Variants in STK32B observed in about 807,000 individuals in gnomAD.
The protein encoded by STK32B is serine/threonine kinase 32B.
Under a neutral mutation model 52.6 loss-of-function variants are expected in STK32B, and 43 were observed. The observed-to-expected ratio is 0.82, with a 90% CI of 0.64 to 1.05. The LOEUF (loss-of-function observed/expected upper bound fraction) is 1.05. STK32B is among the 50% of genes least tolerant of loss of function. The probability of loss-of-function intolerance (pLI) is 0.00; values close to 1 mark genes in which losing one functional copy is unlikely to be tolerated. For synonymous variants in STK32B, 238 were observed against 204.3 expected, an observed-to-expected ratio of 1.17 and a Z score of -1.41; for missense variants, 621 against 534.6, an observed-to-expected ratio of 1.16 and a Z score of -1.59.
intron 3 of STK32B, among the ~76,000 whole-genome samples, chr4:5,259,555 C>T (rs1455375715): frequency 6.6e-6 from 1 of 152,180 alleles, no homozygotes; most frequent in Non-Finnish European, 1.5e-5. Context: ...AGTACTGTGT[C>T]ACACAGTTAC....
At chr4:5,402,786 G>T (rs1367132958) in intron 5 of STK32B, among the ~76,000 whole-genome samples, 1 of 152,216 alleles carries the variant, frequency 6.6e-6, no homozygotes, top group Non-Finnish European at 1.5e-5. Flanking sequence ...ACCCGTTGGG[G>T]TCAAGGCCAG....
intron 1 of STK32B, among the ~76,000 whole-genome samples, chr4:5,129,925 G>T (rs1715647032): frequency 6.6e-6 from 1 of 151,990 alleles, no homozygotes; most frequent in African/African-American, 2.4e-5. Flanking sequence ...TTATATGCCA[G>T]GCACTGTTCT....
intron 2 of STK32B, 114 bp from the exon 3 acceptor site, chr4:5,168,185 T>C (rs1719037345): frequency 7.2e-7 from 1 of 1,393,134 alleles, no homozygotes. Flanking sequence ...CCTAGCAGAT[T>C]TCAAGAACAG....
chr4:5,035,328 T>G, the STK32B span, among the ~76,000 whole-genome samples: 46 of 152,236 alleles, frequency 3.0e-4, 1 homozygote, highest in Non-Finnish European at 1.0e-4. Context: ...TCTTTCTAGC[T>G]TGAGTAAATG....
chr4:5,019,406 G>A, the STK32B span: 5 of 1,491,156 alleles, frequency 3.4e-6, no homozygotes, highest in Non-Finnish European at 4.4e-6. Context: ...GCTCCCGCCA[G>A]GAGCAGCAGC....
At chr4:5,040,425 C>T in the STK32B span, among the ~76,000 whole-genome samples, 3 of 134,304 alleles carry the variant, frequency 2.2e-5, no homozygotes, top group African/African-American at 5.9e-5. Flanking sequence ...GACGAAGTCT[C>T]GCTGTGTCGC....
rs544981504 is a variant in STK32B at position 5,313,458 on chromosome 4, AT to A, written c.261-17757del. On this transcript the variant is annotated intron_variant, in intron 3 of 11. Transcript: ENST00000282908. ...CCCTAAGATTGGGCACAAGGTAAGG[AT>A]TTTTGCTTTTACTACTCTTACTTAG... is the stretch of plus-strand genomic sequence containing the variant. Among the ~76,000 whole-genome samples, 301 of 149,646 alleles carry A rather than the reference AT, an allele frequency of 2.0e-3. 1 individual carries two copies. The highest frequency in any genetic ancestry group is 7.1e-3 in the African/African-American group (283 of 39,712).
chr4:5,347,360 C>A (rs934216244), intron 4 of STK32B, among the ~76,000 whole-genome samples: 1 of 152,184 alleles, frequency 6.6e-6, no homozygotes, highest in African/African-American at 2.4e-5. Flanking sequence ...TGAACATAAA[C>A]ATGATCTCCC....
intron 3 of STK32B, among the ~76,000 whole-genome samples, chr4:5,293,046 G>GT (rs1220638001): frequency 6.6e-6 from 1 of 151,996 alleles, no homozygotes; most frequent in Admixed American, 6.6e-5. Flanking sequence ...TTGGTGTTTG[G>GT]TTTTCTGTTT....
chr4:5,429,977 C>T lies in STK32B; in HGVS notation c.562+13043C>T, dbSNP rs553843631. 4.0e-3 allele frequency among the ~76,000 whole-genome samples: 610 copies of T among 151,926 alleles called. 2 individuals are homozygous for T. The highest frequency in any genetic ancestry group is 0.014 in the African/African-American group (573 of 41,436). On this transcript the variant is annotated intron_variant, in intron 6 of 11. Transcript: ENST00000282908. ...CCTATCCCTGTTCCTCTGTAGGTAACATGCTTTTTTCCTTCAGCTGACTCC... is the reference window on the plus strand; with the variant it reads ...CCTATCCCTGTTCCTCTGTAGGTAATATGCTTTTTTCCTTCAGCTGACTCC...
At chr4:5,023,732 C>A in the STK32B span, among the ~76,000 whole-genome samples, 1 of 152,258 alleles carries the variant, frequency 6.6e-6, no homozygotes, top group South Asian at 2.1e-4. Context: ...ACGATTAACG[C>A]CTCTCTGTCT....
At chr4:5,370,456 T>C (rs1735154707) in intron 4 of STK32B, among the ~76,000 whole-genome samples, 2 of 152,172 alleles carry the variant, frequency 1.3e-5, no homozygotes, top group Non-Finnish European at 2.9e-5. Context: ...CAGAGGTTTG[T>C]TTACACTTCT....
chr4:5,283,483 T>C (rs973646994), intron 3 of STK32B, among the ~76,000 whole-genome samples: 3 of 152,114 alleles, frequency 2.0e-5, no homozygotes, highest in African/African-American at 7.2e-5. Context: ...CATCCAGGTA[T>C]AGGAAGCTCA....
intron 6 of STK32B, among the ~76,000 whole-genome samples, chr4:5,423,761 C>T (rs974968629): frequency 2.0e-5 from 3 of 152,146 alleles, no homozygotes; most frequent in African/African-American, 7.2e-5. Context: ...AGTTCCCTTC[C>T]CCCAGGACAC....
At chr4:5,105,671 C>G (rs965229561) in intron 1 of STK32B, among the ~76,000 whole-genome samples, 1 of 151,974 alleles carries the variant, frequency 6.6e-6, no homozygotes, top group Non-Finnish European at 1.5e-5. Context: ...TCACGCCATT[C>G]TCCTGCCTCA....
chr4:5,027,062 TG>T, the STK32B span, among the ~76,000 whole-genome samples: 2 of 152,194 alleles, frequency 1.3e-5, no homozygotes, highest in African/African-American at 4.8e-5. Context: ...GTGTTGGGGT[TG>T]GGGTAGACTG....
At chr4:5,355,622 G>A (rs1310708881) in intron 4 of STK32B, among the ~76,000 whole-genome samples, 3 of 152,160 alleles carry the variant, frequency 2.0e-5, no homozygotes, top group Admixed American at 1.3e-4. Context: ...ACTGTGGGAT[G>A]TTTAGGTGGA....
intron 3 of STK32B, among the ~76,000 whole-genome samples, chr4:5,304,483 T>A (rs1302293699): frequency 6.6e-6 from 1 of 151,956 alleles, no homozygotes; most frequent in African/African-American, 2.4e-5. Flanking sequence ...ATTCTCAGCT[T>A]GGTTGCTGTT....
chr4:5,339,779 C>G (rs1732952935), intron 4 of STK32B, among the ~76,000 whole-genome samples: 1 of 152,154 alleles, frequency 6.6e-6, no homozygotes, highest in Non-Finnish European at 1.5e-5. Context: ...AAAAATGCTC[C>G]TGATTAAACC....
Sources: allele counts gnomAD v4.1 joint callset (sites outside exome capture counted in the v4.1 genomes callset), GRCh38; gene constraint gnomAD v4.1.1; transcripts MANE v1.5; gene names NCBI Gene and HGNC (gene_info 2026-07-23, HGNC 2026-07-21).